The following TMTC2 variants were observed in gnomAD, a reference collection of about 807,000 sequenced individuals.
TMTC2 encodes the protein protein O-mannosyl-transferase TMTC2.
In TMTC2, 43 loss-of-function variants were observed where a neutral mutation model predicts 82.4. The observed-to-expected ratio is 0.52, with a 90% CI of 0.41 to 0.67. The LOEUF is 0.67. Ranked by LOEUF, TMTC2 falls within the 30% of genes least tolerant of loss-of-function variation. The pLI is 0.00. For synonymous variants in TMTC2, 408 were observed against 381.9 expected, an observed-to-expected ratio of 1.07 and a Z score of -0.80; for missense variants, 919 against 1,012.4, an observed-to-expected ratio of 0.91 and a Z score of 1.25.
At chr12:83,061,215 T>C (rs1171361216) in intron 10 of TMTC2, among the ~76,000 whole-genome samples, 2 of 151,830 alleles carry the variant, frequency 1.3e-5, no homozygotes, top group Non-Finnish European at 2.9e-5. Context: ...AGTCATGTGC[T>C]ATAACCCTGG....
chr12:83,075,212 C>T (rs2137494892), intron 11 of TMTC2, among the ~76,000 whole-genome samples: 1 of 152,276 alleles, frequency 6.6e-6, no homozygotes, highest in East Asian at 1.9e-4. Flanking sequence ...TTGGGGCACT[C>T]ACAGTACTTG....
At chr12:82,837,848 T>TG (rs1870133769) in intron 1 of TMTC2, among the ~76,000 whole-genome samples, 1 of 152,198 alleles carries the variant, frequency 6.6e-6, no homozygotes. Context: ...AAATTATACA[T>TG]GGGGGCAAAT....
At chr12:82,780,876 TG>T (rs1324072387) in intron 1 of TMTC2, among the ~76,000 whole-genome samples, 2 of 151,948 alleles carry the variant, frequency 1.3e-5, no homozygotes, top group African/African-American at 4.8e-5. Flanking sequence ...AGTTGCAGTG[TG>T]GTGTGGAAGA....
intron 1 of TMTC2, among the ~76,000 whole-genome samples, chr12:82,773,258 T>A (rs566183425): frequency 1.3e-5 from 2 of 152,182 alleles, no homozygotes; most frequent in South Asian, 4.1e-4. Flanking sequence ...AAATTGTATA[T>A]AGTCAAAAGC....
chr12:83,064,431 G>T (rs566020718), intron 11 of TMTC2, among the ~76,000 whole-genome samples: 8 of 151,654 alleles, frequency 5.3e-5, no homozygotes, highest in African/African-American at 1.9e-4. Context: ...TCCTTATCTG[G>T]CAACAATACT....
intron 3 of TMTC2, among the ~76,000 whole-genome samples, chr12:82,910,700 G>A (rs1272382583): frequency 1.3e-5 from 2 of 152,084 alleles, no homozygotes; most frequent in African/African-American, 4.8e-5. Flanking sequence ...CTGCTCCCCA[G>A]CCTGGGCTCT....
chr12:83,074,040 G>A (rs189932681), intron 11 of TMTC2, among the ~76,000 whole-genome samples: 19 of 152,226 alleles, frequency 1.2e-4, no homozygotes, highest in Admixed American at 9.2e-4. Flanking sequence ...TTTTTGAGGG[G>A]TGTTTAAGAG....
At chr12:82,776,123 A>G (rs915002846) in intron 1 of TMTC2, among the ~76,000 whole-genome samples, 1 of 152,262 alleles carries the variant, frequency 6.6e-6, no homozygotes, top group East Asian at 1.9e-4. Flanking sequence ...TTACCTACAT[A>G]AATATTAATA....
intron 1 of TMTC2, among the ~76,000 whole-genome samples, chr12:82,792,296 A>G (rs79298093): frequency 0.016 from 2,441 of 152,234 alleles, 61 homozygotes; most frequent in African/African-American, 0.055. Context: ...TTCACATAAC[A>G]TAAAATTTAC....
intron 1 of TMTC2, among the ~76,000 whole-genome samples, chr12:82,709,957 A>G (rs1455853405): frequency 1.3e-5 from 2 of 152,178 alleles, no homozygotes; most frequent in Non-Finnish European, 2.9e-5. Context: ...ATAATTCTGT[A>G]GTTTTTTTTC....
At chr12:82,729,589 C>T (rs536303653) in intron 1 of TMTC2, among the ~76,000 whole-genome samples, 6 of 152,086 alleles carry the variant, frequency 3.9e-5, no homozygotes, top group African/African-American at 7.2e-5. Context: ...TTGTGTCTAG[C>T]GCAGGGATTG....
chr12:82,746,859 C>T (rs1875719504), intron 1 of TMTC2, among the ~76,000 whole-genome samples: 3 of 152,178 alleles, frequency 2.0e-5, no homozygotes, highest in African/African-American at 7.2e-5. Flanking sequence ...GGAATGTGCA[C>T]AGCCTCTAGA....
At chr12:82,743,018 A>G (rs1240868110) in intron 1 of TMTC2, among the ~76,000 whole-genome samples, 1 of 152,168 alleles carries the variant, frequency 6.6e-6, no homozygotes, top group Admixed American at 6.5e-5. Context: ...CTTTGTTAGG[A>G]AATTTTTTCT....
chr12:82,787,761 A>G (rs544765050), intron 1 of TMTC2, among the ~76,000 whole-genome samples: 4 of 152,012 alleles, frequency 2.6e-5, no homozygotes, highest in Non-Finnish European at 5.9e-5. Flanking sequence ...ATACAAAAAA[A>G]TTAGCCAGGC....
At chr12:82,918,717 TC>T (rs1228024356) in intron 3 of TMTC2, among the ~76,000 whole-genome samples, 20 of 1,018 alleles carry the variant, frequency 0.02, no homozygotes, top group South Asian at 0.16. Context: ...TCTTTTCTTC[TC>T]TCTCTCTCTC....
At chr12:82,998,624 G>T (rs1177847832) in intron 8 of TMTC2, among the ~76,000 whole-genome samples, 1 of 151,952 alleles carries the variant, frequency 6.6e-6, no homozygotes, top group Non-Finnish European at 1.5e-5. Context: ...CATATCTCTG[G>T]CAAATGTTGT....
At chr12:82,973,685 A>G (rs112366815) in intron 7 of TMTC2, among the ~76,000 whole-genome samples, 246 of 152,358 alleles carry the variant, frequency 1.6e-3, no homozygotes, top group African/African-American at 5.6e-3. Flanking sequence ...GCTAGCATCC[A>G]GTTCAGCTGC....
intron 1 of TMTC2, among the ~76,000 whole-genome samples, chr12:82,738,806 A>G (rs1007201808): frequency 2.0e-5 from 3 of 152,164 alleles, no homozygotes; most frequent in African/African-American, 7.2e-5. Flanking sequence ...TCAGTGATGA[A>G]AAAAATTAGT....
At chr12:82,979,242 T>A (rs1229438323) in intron 7 of TMTC2, among the ~76,000 whole-genome samples, 2 of 151,780 alleles carry the variant, frequency 1.3e-5, no homozygotes, top group Non-Finnish European at 3.0e-5. Context: ...GGTCATTTTG[T>A]GGTCTTCTTT....
Sources: allele counts gnomAD v4.1 joint callset (sites outside exome capture counted in the v4.1 genomes callset), GRCh38; gene constraint gnomAD v4.1.1; transcripts MANE v1.5; gene names NCBI Gene and HGNC (gene_info 2026-07-23, HGNC 2026-07-21).